The following PCDHGA10 variants were observed in gnomAD, a reference collection of about 807,000 sequenced individuals.
The protein encoded by PCDHGA10 is protocadherin gamma subfamily A, 10, also known as protocadherin gamma-A10.
In PCDHGA10, 42 loss-of-function variants were observed where a neutral mutation model predicts 59.5. The observed-to-expected ratio is 0.71, with a 90% confidence interval of 0.55 to 0.91. PCDHGA10 has a LOEUF of 0.91. Ranked by LOEUF, PCDHGA10 falls within the 40% of genes least tolerant of loss-of-function variation. PCDHGA10 has a pLI of 0.00. For synonymous variants in PCDHGA10, 511 were observed against 517.2 expected (o/e 0.99, Z 0.16); for missense variants, 1,111 against 1,198.2 (o/e 0.93, Z 1.07).
chr5:141,497,858 C>T (rs920483410), intron 2 of PCDHGA10, among the ~76,000 whole-genome samples: 3 of 152,218 alleles, frequency 2.0e-5, no homozygotes, highest in Non-Finnish European at 2.9e-5. Flanking sequence ...TTTGATTCAG[C>T]GGCTCCAAAG....
chr5:141,481,691 C>T (rs929210528), intron 1 of PCDHGA10, among the ~76,000 whole-genome samples: 7 of 152,080 alleles, frequency 4.6e-5, no homozygotes, highest in African/African-American at 1.4e-4. Flanking sequence ...TGGTGGCTCA[C>T]GCCTGTAATC....
chr5:141,490,419 G>C lies in PCDHGA10; in HGVS notation c.2437-4388G>C. The C allele has an allele frequency of 6.2e-7, 1 of 1,614,170 alleles. No homozygotes were observed. Among genetic ancestry groups the C allele is most frequent in the Non-Finnish European group, 8.5e-7 (1 of 1,180,020 alleles). ...TGAGCCTTGATATCTCTCCGGACCT[G>C]CCATTTCAGATTAAGCCTTCTGAGA... On this transcript the variant is annotated intron_variant, in intron 1 of 3. Transcript: ENST00000398610. The surrounding 1 kb of genome is among the most constrained non-coding windows in gnomAD (Gnocchi z 5.4).
At chr5:141,501,402 G>T (rs527659990) in intron 2 of PCDHGA10, among the ~76,000 whole-genome samples, 1 of 151,622 alleles carries the variant, frequency 6.6e-6, no homozygotes, top group African/African-American at 2.4e-5. Context: ...ACAGGCCACT[G>T]CTTGGAAAAT....
chr5:141,468,853 G>A (rs893773356), intron 1 of PCDHGA10, among the ~76,000 whole-genome samples: 7 of 151,000 alleles, frequency 4.6e-5, no homozygotes, highest in Admixed American at 6.6e-5. Context: ...GCAACAGAGC[G>A]AGACTCCATC....
In PCDHGA10 at chr5:141,485,804, G is replaced by C; in HGVS notation, c.2437-9003G>C. 6.2e-7 allele frequency: 1 copy of C among 1,614,218 alleles called. No homozygotes were observed. The highest frequency in any genetic ancestry group is 1.3e-5 in the African/African-American group (1 of 75,060). The stretch of plus-strand genomic sequence containing the variant: ...AGAGAAGCAATCGGACTACCGCCTG[G>C]TGCTGACTGCTGTCGATGGAGGGAA... On this transcript the variant is annotated intron_variant, in intron 1 of 3. Coordinates refer to ENST00000398610, the MANE Select transcript of PCDHGA10 (RefSeq NM_018913.3). This position sits in a 1 kb window ranked among gnomAD's most constrained non-coding sequence, Gnocchi z 5.7.
At chr5:141,449,369 G>A (rs561017816) in intron 1 of PCDHGA10, among the ~76,000 whole-genome samples, 4 of 152,068 alleles carry the variant, frequency 2.6e-5, no homozygotes, top group South Asian at 4.2e-4. Flanking sequence ...CACTTTGGGA[G>A]GCTGAGGCAG....
intron 2 of PCDHGA10, among the ~76,000 whole-genome samples, chr5:141,499,283 G>T (rs1460838051): frequency 6.6e-6 from 1 of 152,066 alleles, no homozygotes; most frequent in Non-Finnish European, 1.5e-5. Context: ...TTCTCTGATG[G>T]CTCCACACTA....
In PCDHGA10 at chr5:141,413,909, T is replaced by A. The variant is rs772084941; in HGVS notation, c.734T>A (p.Val245Asp). 6.2e-7 allele frequency: 1 copy of A among 1,613,316 alleles called. No individual in the cohort carries two copies. ...TVFDANDNAP[V>D]FTLPEYRVSV... ...TTCGATGCAAATGACAACGCGCCGG[T>A]CTTCACCTTGCCAGAATACCGAGTG... The change falls in exon 1 of 4, where the codon GTC becomes GAC. Residue 245 changes from valine to aspartate, a missense_variant. Val to Asp is a radical substitution (Grantham distance 152). Transcript: ENST00000398610.
At chr5:141,501,319 A>G (rs2099807834) in intron 2 of PCDHGA10, among the ~76,000 whole-genome samples, 1 of 151,710 alleles carries the variant, frequency 6.6e-6, no homozygotes, top group Non-Finnish European at 1.5e-5. Context: ...ACACACACAC[A>G]CACACACACA....
At chr5:141,454,426 GAC>G (rs746508144) in intron 1 of PCDHGA10, among the ~76,000 whole-genome samples, 3 of 152,168 alleles carry the variant, frequency 2.0e-5, no homozygotes, top group Non-Finnish European at 2.9e-5. Context: ...TTTATTTAGA[GAC>G]AGAGTTTCAC....
At position 141,485,566 on chromosome 5, in the gene PCDHGA10, C is replaced by T. The variant is rs768144422; in HGVS notation, c.2437-9241C>T. The T allele has an allele frequency of 6.2e-7, 1 of 1,612,926 alleles. No homozygotes were observed. Among genetic ancestry groups the T allele is most frequent in the African/African-American group, 1.3e-5 (1 of 75,016 alleles). ...TCGTAGATGTGAATGATCACGCCCC[C>T]CGTTTTCCGCGGCAGCAGCTGGACT... On this transcript the variant is annotated intron_variant, in intron 1 of 3. Transcript: ENST00000398610. The surrounding 1 kb of genome is among the most constrained non-coding windows in gnomAD (Gnocchi z 5.7).
At chr5:141,459,606 T>G (rs1430790771) in intron 1 of PCDHGA10, among the ~76,000 whole-genome samples, 1 of 152,250 alleles carries the variant, frequency 6.6e-6, no homozygotes, top group Non-Finnish European at 1.5e-5. Context: ...GGGAAGTATA[T>G]GCTTAACTTT....
intron 1 of PCDHGA10, among the ~76,000 whole-genome samples, chr5:141,492,782 C>T (rs2099743868): frequency 6.6e-6 from 1 of 152,258 alleles, no homozygotes; most frequent in Non-Finnish European, 1.5e-5. Context: ...GAGTGAGCCT[C>T]TATAGGACAG....
chr5:141,497,062 A>C (rs779414748), intron 2 of PCDHGA10, among the ~76,000 whole-genome samples: 6 of 152,024 alleles, frequency 3.9e-5, no homozygotes, highest in Non-Finnish European at 7.4e-5. Flanking sequence ...GGTGGCAGGC[A>C]CCTGTAATCC....
chr5:141,421,750 C>A lies in PCDHGA10; in HGVS notation c.2436+6139C>A, dbSNP rs766529731. On this transcript the variant is annotated intron_variant, in intron 1 of 3. Coordinates refer to ENST00000398610, the MANE Select transcript of PCDHGA10 (RefSeq NM_018913.3). ...CTCCCTCCAGAGCTACCAGCTCAGC[C>A]CTAATAATTACTTTTCCTTGCAACT... 4.3e-6 allele frequency: 7 copies of A among 1,613,788 alleles called. No individual in the cohort carries two copies. Among genetic ancestry groups the A allele is most frequent in the Non-Finnish European group, 5.9e-6 (7 of 1,179,864 alleles).
intron 1 of PCDHGA10, chr5:141,427,741 C>T (rs748636652): frequency 8.1e-7 from 1 of 1,240,376 alleles, no homozygotes; most frequent in Non-Finnish European, 1.2e-6. Context: ...GGCCAAGTCT[C>T]CTACTCCATC....
rs114669158 is a variant in PCDHGA10 at position 141,511,003 on chromosome 5, G to A, written c.2641G>A (p.Ala881Thr). The change falls in exon 4 of 4, where the codon GCC (alanine) becomes ACC (threonine). Residue 881 changes from alanine to threonine, a missense_variant. Physicochemically the swap from Ala to Thr is moderately conservative, Grantham distance 58 (BLOSUM62 0). Coordinates refer to ENST00000398610, the MANE Select transcript of PCDHGA10 (RefSeq NM_018913.3). Reference protein sequence around the residue: ...GGGAGTMGLSARYGPQFTLQH... With the variant: ...GGGAGTMGLSTRYGPQFTLQH... ...GGGTGCCGGCACCATGGGATTGAGCGCCCGCTACGGACCCCAGTTCACCCT... is the reference window on the plus strand; with the variant it reads ...GGGTGCCGGCACCATGGGATTGAGCACCCGCTACGGACCCCAGTTCACCCT... The A allele has an allele frequency of 1.0e-4, 163 of 1,614,148 alleles. 1 individual carries two copies. The highest frequency in any genetic ancestry group is 9.5e-5 in the Non-Finnish European group (112 of 1,180,012).
In PCDHGA10 at chr5:141,485,125, G is replaced by A. The variant is rs776015544; in HGVS notation, c.2437-9682G>A. 7.1e-7 allele frequency: 1 copy of A among 1,412,160 alleles called. No homozygotes were observed. The highest frequency in any genetic ancestry group is 1.2e-5 in the South Asian group (1 of 81,022). The allele number at this position is 1,412,160 out of a possible 1,614,324, so 87.5% of individuals were successfully genotyped here. On this transcript the variant is annotated intron_variant, in intron 1 of 3. Transcript: ENST00000398610. This position sits in a 1 kb window ranked among gnomAD's most constrained non-coding sequence, Gnocchi z 5.7. ...CTGCTGTGGCTGTTTGGGGCGGGTC[G>A]GCTTCATCCGCGTCTCAGGAGCAAG... is the stretch of plus-strand genomic sequence containing the variant.
rs370827396 is a variant in PCDHGA10 at position 141,414,177 on chromosome 5, T to G, written c.1002T>G (p.Thr334=). ...QAEDGGAYLA[T]AKVLITVEDV... is the part of the protein sequence containing the mutation. ...AAGATGGAGGAGCATATCTTGCAAC[T>G]GCAAAAGTGTTGATTACAGTAGAAG... Residue 334 remains threonine (T), a synonymous_variant, in exon 1 of 4, where the codon ACT becomes ACG. Coordinates refer to ENST00000398610, the MANE Select transcript of PCDHGA10 (RefSeq NM_018913.3). The G allele has an allele frequency of 1.7e-5, 28 of 1,607,906 alleles. No homozygotes were observed. Among genetic ancestry groups the G allele is most frequent in the Non-Finnish European group, 2.2e-5 (26 of 1,177,048 alleles).
Sources: gnomAD v4.1 joint callset for allele counts (sites outside exome capture counted in the v4.1 genomes callset) on GRCh38, gnomAD v4.1.1 for gene constraint, Gnocchi (gnomAD v3.1) non-coding constraint, MANE v1.5 for transcripts, NCBI Gene and HGNC (gene_info 2026-07-23, HGNC 2026-07-21) for gene names.